Variants in SMYD3 observed in about 807,000 individuals in gnomAD.
SMYD3 encodes the protein histone-lysine N-methyltransferase SMYD3.
SMYD3 carries 36 observed loss-of-function variants against 57.7 expected under a neutral mutation model. That is an observed-to-expected ratio of 0.62 (90% CI 0.48 to 0.82). The LOEUF is 0.82. Among genes scored for constraint, SMYD3 ranks in the 40% least tolerant of loss-of-function variants. SMYD3 has a pLI of 0.00. For synonymous variants in SMYD3, 211 were observed against 195.0 expected (o/e 1.08, Z -0.68); for missense variants, 515 against 538.8 (o/e 0.96, Z 0.44).
At chr1:245,972,474 C>T (rs953054718) in intron 5 of SMYD3, among the ~76,000 whole-genome samples, 17 of 152,250 alleles carry the variant, frequency 1.1e-4, no homozygotes, top group Non-Finnish European at 2.1e-4. Flanking sequence ...ATTAACCTCT[C>T]AAATTTCTAA....
intron 9 of SMYD3, among the ~76,000 whole-genome samples, chr1:245,863,163 A>G (rs919494718): frequency 1.3e-5 from 2 of 152,114 alleles, no homozygotes; most frequent in African/African-American, 2.4e-5. Flanking sequence ...CTTCACTCCA[A>G]TGAACTCCTC....
chr1:246,293,205 C>G (rs893796275), intron 5 of SMYD3, among the ~76,000 whole-genome samples: 1 of 152,006 alleles, frequency 6.6e-6, no homozygotes. Context: ...AGTGGATGAT[C>G]TCTCCCTCTC....
intron 1 of SMYD3, among the ~76,000 whole-genome samples, chr1:246,457,550 A>AAAAGG (rs2067720969): frequency 2.6e-5 from 2 of 75,678 alleles, no homozygotes; most frequent in Non-Finnish European, 5.9e-5. Flanking sequence ...AAAAAAAAAG[A>AAAAGG]AAAGAAAAGA....
At chr1:246,237,765 C>A (rs1457367649) in intron 5 of SMYD3, among the ~76,000 whole-genome samples, 3 of 152,092 alleles carry the variant, frequency 2.0e-5, no homozygotes, top group African/African-American at 4.8e-5. Flanking sequence ...TAGACCATGC[C>A]ATCCGTATCG....
At chr1:246,247,156 A>C (rs12403325) in intron 5 of SMYD3, among the ~76,000 whole-genome samples, 31,438 of 151,796 alleles carry the variant, frequency 0.21, 3,968 homozygotes, top group East Asian at 0.58. Context: ...CTGCACTGAG[A>C]CCCAGAGGAA....
chr1:246,487,078 C>T (rs368771226), intron 1 of SMYD3, among the ~76,000 whole-genome samples: 6 of 152,136 alleles, frequency 3.9e-5, no homozygotes, highest in African/African-American at 7.2e-5. Flanking sequence ...TAGACATTGA[C>T]GGTACAAGAC....
At chr1:246,340,655 T>C (rs1049082493) in intron 2 of SMYD3, among the ~76,000 whole-genome samples, 2 of 152,188 alleles carry the variant, frequency 1.3e-5, no homozygotes, top group African/African-American at 4.8e-5. Context: ...GATGGGTATT[T>C]GGTAATGAAT....
intron 8 of SMYD3, among the ~76,000 whole-genome samples, chr1:245,894,928 C>G (rs1460831085): frequency 2.0e-5 from 3 of 152,222 alleles, no homozygotes; most frequent in Non-Finnish European, 4.4e-5. Context: ...GTGGACATAA[C>G]AGGGCCACGT....
At chr1:246,436,330 T>C (rs1349078127) in intron 1 of SMYD3, among the ~76,000 whole-genome samples, 1 of 152,180 alleles carries the variant, frequency 6.6e-6, no homozygotes, top group East Asian at 1.9e-4. Context: ...TCTCCAATAA[T>C]TGAAGGCAAG....
At chr1:245,884,819 C>A (rs113674369) in intron 8 of SMYD3, among the ~76,000 whole-genome samples, 87 of 598 alleles carry the variant, frequency 0.15, no homozygotes, top group East Asian at 0.5. Flanking sequence ...TGTAAAATGG[C>A]CCAATCAGCT....
chr1:246,120,721 A>C (rs2061411767), intron 5 of SMYD3, among the ~76,000 whole-genome samples: 2 of 152,186 alleles, frequency 1.3e-5, no homozygotes, highest in African/African-American at 2.4e-5. Flanking sequence ...GCCAAACTTG[A>C]ATGTGATTTA....
chr1:246,262,579 T>C (rs1012177785), intron 5 of SMYD3, among the ~76,000 whole-genome samples: 6 of 152,114 alleles, frequency 3.9e-5, no homozygotes, highest in African/African-American at 7.2e-5. Flanking sequence ...AGTTAACATA[T>C]ATTTCTTATG....
intron 5 of SMYD3, among the ~76,000 whole-genome samples, chr1:246,309,502 T>C (rs1470331597): frequency 6.6e-6 from 1 of 152,184 alleles, no homozygotes. Flanking sequence ...CTTCCTCTGT[T>C]TACCAGGTAG....
chr1:246,165,824 T>C (rs1432780290), intron 5 of SMYD3, among the ~76,000 whole-genome samples: 2 of 152,164 alleles, frequency 1.3e-5, no homozygotes, highest in African/African-American at 2.4e-5. Flanking sequence ...AAGTAATATT[T>C]GGGTAAGAAA....
At chr1:245,930,502 C>CT in intron 5 of SMYD3, 1 of 278,802 alleles carries the variant, frequency 3.6e-6, no homozygotes, top group Non-Finnish European at 6.9e-6. Context: ...GAGTCCATCA[C>CT]TGGGTACATG....
chr1:245,869,687 A>C (rs2052071032), intron 8 of SMYD3, among the ~76,000 whole-genome samples: 1 of 151,620 alleles, frequency 6.6e-6, no homozygotes, highest in Non-Finnish European at 1.5e-5. Flanking sequence ...CAGTTCACTC[A>C]CCCCATTCTT....
intron 5 of SMYD3, among the ~76,000 whole-genome samples, chr1:246,097,345 G>A (rs145924361): frequency 6.6e-6 from 1 of 152,200 alleles, no homozygotes; most frequent in Non-Finnish European, 1.5e-5. Context: ...CCGTCTGAAG[G>A]GATAGCAAAG....
intron 1 of SMYD3, among the ~76,000 whole-genome samples, chr1:246,384,377 A>T (rs1464227635): frequency 6.6e-6 from 1 of 152,154 alleles, no homozygotes; most frequent in Non-Finnish European, 1.5e-5. Flanking sequence ...CATTGAACAA[A>T]ATTAGATTAT....
chr1:245,761,997 C>T (rs764154612), intron 11 of SMYD3, among the ~76,000 whole-genome samples: 1 of 152,072 alleles, frequency 6.6e-6, no homozygotes, highest in African/African-American at 2.4e-5. Context: ...GTTGGCCAGA[C>T]TGGTCTTGAA....
Sources: gnomAD v4.1 joint callset for allele counts (sites outside exome capture counted in the v4.1 genomes callset) on GRCh38, gnomAD v4.1.1 for gene constraint, MANE v1.5 for transcripts, NCBI Gene and HGNC (gene_info 2026-07-23, HGNC 2026-07-21) for gene names.